The following SHC3 variants were observed in gnomAD, a reference collection of about 807,000 sequenced individuals.
The protein encoded by SHC3 is SHC-transforming protein 3.
SHC3 carries 15 observed loss-of-function variants against 60.4 expected under a neutral mutation model. The observed-to-expected ratio is 0.25, with a 90% CI of 0.17 to 0.38. The LOEUF is 0.38. Among genes scored for constraint, SHC3 ranks in the 10% least tolerant of loss-of-function variants. The pLI is 1.00. For missense variants in SHC3, 677 were observed against 786.1 expected, an observed-to-expected ratio of 0.86 and a Z score of 1.66; for synonymous variants, 294 against 325.9, an observed-to-expected ratio of 0.90 and a Z score of 1.05.
At chr9:89,109,311 G>A (rs1825912004) in intron 2 of SHC3, 1 of 797,158 alleles carries the variant, frequency 1.3e-6, no homozygotes, top group Non-Finnish European at 1.5e-6. Context: ...TCCGGTCATG[G>A]TGCCCAGCAT....
chr9:89,112,422 A>T, intron 2 of SHC3, 134 bp downstream of exon 2: 2 of 826,370 alleles, frequency 2.4e-6, no homozygotes, highest in Non-Finnish European at 3.9e-6. Context: ...AGATGAGGAC[A>T]GTACTGACTC....
intron 1 of SHC3, among the ~76,000 whole-genome samples, chr9:89,150,318 T>A (rs1826528006): frequency 6.6e-6 from 1 of 152,086 alleles, no homozygotes; most frequent in Non-Finnish European, 1.5e-5. Flanking sequence ...ATAGTCTTTT[T>A]TCATAATCCC....
At chr9:89,095,327 T>C (rs1015891407) in intron 2 of SHC3, among the ~76,000 whole-genome samples, 1 of 152,164 alleles carries the variant, frequency 6.6e-6, no homozygotes, top group East Asian at 1.9e-4. Context: ...CTTGAGGATA[T>C]TATGCGAACA....
chr9:89,114,271 C>T (rs1322204390), intron 1 of SHC3, among the ~76,000 whole-genome samples: 2 of 152,080 alleles, frequency 1.3e-5, no homozygotes, highest in African/African-American at 4.8e-5. Context: ...CATGCCAATG[C>T]CATAGAGTTA....
At chr9:89,173,648 G>T (rs1427312301) in intron 1 of SHC3, among the ~76,000 whole-genome samples, 1 of 152,144 alleles carries the variant, frequency 6.6e-6, no homozygotes, top group African/African-American at 2.4e-5. Flanking sequence ...TGTGGGGTGT[G>T]TGTGTTGTGT....
intron 1 of SHC3, among the ~76,000 whole-genome samples, chr9:89,126,279 G>C (rs1826164161): frequency 6.6e-6 from 1 of 152,180 alleles, no homozygotes; most frequent in Non-Finnish European, 1.5e-5. Flanking sequence ...GCAAGGATGA[G>C]TGACTGAACT....
chr9:89,078,728 T>C (rs1375425781), intron 2 of SHC3, among the ~76,000 whole-genome samples: 1 of 151,802 alleles, frequency 6.6e-6, no homozygotes, highest in African/African-American at 2.4e-5. Flanking sequence ...CCAGCCTAAG[T>C]GAGAAATGCC....
intron 2 of SHC3, among the ~76,000 whole-genome samples, chr9:89,091,110 T>A (rs1220109189): frequency 2.6e-5 from 4 of 152,252 alleles, no homozygotes; most frequent in Non-Finnish European, 2.9e-5. Context: ...TAAATTAATT[T>A]ATCAATTTAA....
intron 1 of SHC3, among the ~76,000 whole-genome samples, chr9:89,159,081 G>C (rs1466273679): frequency 6.6e-6 from 1 of 152,076 alleles, no homozygotes; most frequent in African/African-American, 2.4e-5. Context: ...GTGTGACTTT[G>C]AAAACCATCA....
chr9:89,073,612 C>T (rs986993691), intron 4 of SHC3, among the ~76,000 whole-genome samples: 3 of 152,218 alleles, frequency 2.0e-5, no homozygotes, highest in Non-Finnish European at 4.4e-5. Flanking sequence ...CAGAACCTGC[C>T]ACTTTGCCCC....
chr9:89,057,572 C>G (rs769927370), intron 6 of SHC3, among the ~76,000 whole-genome samples: 14 of 151,794 alleles, frequency 9.2e-5, no homozygotes, highest in Non-Finnish European at 8.8e-5. Context: ...TGAGGATGTC[C>G]AAAACAGTGA....
intron 1 of SHC3, among the ~76,000 whole-genome samples, chr9:89,112,953 A>G (rs1259698897): frequency 1.3e-5 from 2 of 152,192 alleles, no homozygotes; most frequent in African/African-American, 4.8e-5. Flanking sequence ...GTTTAATTCA[A>G]TGATTGTTTA....
intron 2 of SHC3, among the ~76,000 whole-genome samples, chr9:89,088,240 A>T (rs182155979): frequency 1.6e-4 from 25 of 152,214 alleles, no homozygotes; most frequent in Non-Finnish European, 2.6e-4. Flanking sequence ...TTAGATAATA[A>T]CTCTTTCAAC....
intron 2 of SHC3, among the ~76,000 whole-genome samples, chr9:89,102,498 T>C (rs7024070): frequency 0.015 from 2,289 of 152,318 alleles, 57 homozygotes; most frequent in African/African-American, 0.05. Context: ...AGTGTTATAA[T>C]GATATGTCTG....
intron 1 of SHC3, among the ~76,000 whole-genome samples, chr9:89,143,810 G>A (rs1341192733): frequency 6.6e-6 from 1 of 152,108 alleles, no homozygotes; most frequent in East Asian, 1.9e-4. Flanking sequence ...CTTTTTCGGG[G>A]TTAGTGTGTC....
intron 6 of SHC3, among the ~76,000 whole-genome samples, chr9:89,059,363 G>A (rs1825026686): frequency 6.8e-6 from 1 of 148,110 alleles, no homozygotes; most frequent in South Asian, 2.2e-4. Flanking sequence ...GGATGTAGTG[G>A]AGGATGCGGT....
At chr9:89,143,181 A>G (rs138669702) in intron 1 of SHC3, among the ~76,000 whole-genome samples, 9,562 of 152,230 alleles carry the variant, frequency 0.063, 419 homozygotes, top group Admixed American at 0.13. Context: ...TCTTGATGAT[A>G]TGCTAAACAA....
intron 1 of SHC3, among the ~76,000 whole-genome samples, chr9:89,172,530 C>T (rs148706989): frequency 2.1e-3 from 312 of 151,706 alleles, no homozygotes; most frequent in African/African-American, 7.1e-3. Flanking sequence ...CAGACACAGA[C>T]ACACACACAC....
intron 10 of SHC3, among the ~76,000 whole-genome samples, chr9:89,040,875 A>T (rs1308652788): frequency 6.6e-6 from 1 of 152,200 alleles, no homozygotes; most frequent in African/African-American, 2.4e-5. Flanking sequence ...TGTTGTTTTC[A>T]TGAGGCTGCC....
Sources: allele counts gnomAD v4.1 joint callset (sites outside exome capture counted in the v4.1 genomes callset), GRCh38; gene constraint gnomAD v4.1.1; transcripts MANE v1.5; gene names NCBI Gene and HGNC (gene_info 2026-07-23, HGNC 2026-07-21).